SSX2IP: variants seen among roughly 807,000 people sequenced by gnomAD.
The protein encoded by SSX2IP is SSX family member 2 interacting protein, also known as afadin- and alpha-actinin-binding protein.
Under a neutral mutation model 84.9 loss-of-function variants are expected in SSX2IP, and 55 were observed. The ratio of observed to expected loss-of-function variants is 0.65; its 90% CI spans 0.52 to 0.81. SSX2IP has a LOEUF of 0.81. Among genes scored for constraint, SSX2IP ranks in the 30% least tolerant of loss-of-function variants. The pLI, the probability that SSX2IP is intolerant of heterozygous loss-of-function variation, is 0.00. For synonymous variants in SSX2IP, 239 were observed against 234.7 expected (o/e 1.02, Z -0.17); for missense variants, 664 against 705.2 (o/e 0.94, Z 0.66).
rs534999985 is a variant in SSX2IP, at chr1:84,671,099, G to A, written c.43+78C>T. 93 of 1,514,912 alleles carry A rather than the reference G, an allele frequency of 6.1e-5. No individual in the cohort carries two copies. In the African/African-American group the frequency reaches 1.2e-3, roughly 19 times the overall value. The allele number at this position is 1,514,912 out of a possible 1,614,324, so 93.8% of individuals were successfully genotyped here. On this transcript the variant is annotated intron_variant, in intron 2 of 13. Coordinates refer to ENST00000342203, the MANE Select transcript of SSX2IP (RefSeq NM_001166293.2). ...TTTAGTCACATCTTCAACATCTGCA[G>A]TAATTATTTTATATTTTCATTGAAA... is the stretch of plus-strand genomic sequence containing the variant.
chr1:84,679,371 A>C (rs1424109009), intron 1 of SSX2IP, among the ~76,000 whole-genome samples: 1 of 152,222 alleles, frequency 6.6e-6, no homozygotes, highest in Admixed American at 6.5e-5. Context: ...TTTAAAATCT[A>C]AATTATTTCT....
At position 84,651,907 on chromosome 1, in the gene SSX2IP, T is replaced by G. The variant is rs776972613; in HGVS notation, c.1480A>C (p.Lys494Gln). ...TFDHQNSENVKLFSAFSGSSD... is the reference protein window; with the variant it reads ...TFDHQNSENVQLFSAFSGSSD... The stretch of plus-strand genomic sequence containing the variant: ...CTTCCTGAGAAGGCACTGAAAAGTT[T>G]CACATTTTCTGAGTTCTGGTGGTCA... The change falls in exon 12 of 14, where the codon AAA becomes CAA. Residue 494 changes from lysine to glutamine, a missense_variant. By Grantham distance (53) the Lys-to-Gln change is moderately conservative. Coordinates refer to ENST00000342203, the MANE Select transcript of SSX2IP (RefSeq NM_001166293.2). The G allele has an allele frequency of 1.2e-6, 2 of 1,613,438 alleles. No homozygotes were observed. The highest frequency in any genetic ancestry group is 1.1e-5 in the South Asian group (1 of 91,044).
At chr1:84,667,696 T>C (rs1328469685) in intron 4 of SSX2IP, among the ~76,000 whole-genome samples, 2 of 152,074 alleles carry the variant, frequency 1.3e-5, no homozygotes, top group African/African-American at 2.4e-5. Context: ...ACAGAGATAT[T>C]TGTGGTTCCT....
In SSX2IP at chr1:84,655,362, A is replaced by C. The variant is rs139179540; in HGVS notation, c.1389+470T>G. ...TACTGCTACAATTTTTGAAGGGGGA[A>C]TATGTAGATGACACATTGCTAAGTA... On this transcript the variant is annotated intron_variant, in intron 11 of 13. Coordinates refer to ENST00000342203, the MANE Select transcript of SSX2IP (RefSeq NM_001166293.2). The C allele has an allele frequency of 2.0e-5, 23 of 1,134,892 alleles. No individual in the cohort carries two copies. In the African/African-American group the frequency reaches 3.0e-4, roughly 15 times the overall value. The allele number at this position is 1,134,892 out of a possible 1,614,324, so 70.3% of individuals were successfully genotyped here. A position where few individuals can be genotyped will look rare whatever the true frequency, so the allele number is the denominator to read the frequency against.
Position 84,661,066 on chromosome 1 carries a change from TTA to T in SSX2IP, c.927+1130_927+1131del, listed in dbSNP as rs1651903876. 1.9e-4 allele frequency among the ~76,000 whole-genome samples: 7 copies of T among 36,302 alleles called. No homozygotes were observed. The Admixed American group carries it at 2.1e-3, about 11-fold the overall frequency. The allele number at this position is 36,302 out of a possible 152,430, so 23.8% of individuals were successfully genotyped here. On this transcript the variant is annotated intron_variant, in intron 8 of 13. Transcript: ENST00000342203. ...TGGCAACAGAGCAAGACTCCGTCTC[TTA>T]AAAAAAAAAAAAAAAAAAAAATTTA... is the stretch of plus-strand genomic sequence containing the variant.
intron 1 of SSX2IP, among the ~76,000 whole-genome samples, chr1:84,688,460 T>G (rs1446179306): frequency 6.6e-6 from 1 of 152,198 alleles, no homozygotes; most frequent in Non-Finnish European, 1.5e-5. Context: ...TTAAATGAAT[T>G]AAAATCACAC....
intron 1 of SSX2IP, among the ~76,000 whole-genome samples, chr1:84,672,935 G>C (rs1456907082): frequency 6.6e-6 from 1 of 152,180 alleles, no homozygotes; most frequent in Non-Finnish European, 1.5e-5. Context: ...TGAGGCAGAA[G>C]AATCCCTTGA....
intron 13 of SSX2IP, 139 bp from the exon 14 acceptor site, chr1:84,647,746 T>TC: frequency 3.2e-6 from 1 of 309,466 alleles, no homozygotes. Context: ...TTTAAAATTT[T>TC]ACTTGGAAAA....
chr1:84,664,444 C>T lies in SSX2IP; in HGVS notation c.646G>A (p.Val216Ile). Reference sequence around the variant, plus strand: ...ATTTTCTTATCTTTCTTGTTCATAACAAGTTGATGTAGACGTTCCTTCAGT... The same window carrying T: ...ATTTTCTTATCTTTCTTGTTCATAATAAGTTGATGTAGACGTTCCTTCAGT... ...NKLKERLHQL[V>I]MNKKDKKIAM... The change falls in exon 6 of 14, where the codon GTT (valine) becomes ATT (isoleucine). Residue 216 changes from valine (V) to isoleucine (I), a missense_variant. Transcript: ENST00000342203. 1.9e-6 allele frequency: 3 copies of T among 1,597,964 alleles called. No individual in the cohort carries two copies. Among genetic ancestry groups the T allele is most frequent in the Non-Finnish European group, 2.6e-6 (3 of 1,174,716 alleles).
intron 1 of SSX2IP, among the ~76,000 whole-genome samples, chr1:84,683,359 T>C (rs555771997): frequency 3.3e-5 from 5 of 152,284 alleles, no homozygotes; most frequent in South Asian, 2.1e-4. Flanking sequence ...ATTATGCCAA[T>C]TGAATAACTG....
At chr1:84,690,737 G>GCTGCGGCTGCGGCAC (rs1478153941), upstream of SSX2IP, 1 of 151,748 alleles carries the variant, frequency 6.6e-6, no homozygotes, top group Non-Finnish European at 1.5e-5. Flanking sequence ...TGCGGGCGCA[G>GCTGCGGCTGCGGCAC]CTGCGGCTGC....
At position 84,671,196 on chromosome 1, in the gene SSX2IP, T is replaced by C. The variant is rs374425164; in HGVS notation, c.24A>G (p.Thr8=). MGDWMTV[T]DPGLSSESKT... is the part of the protein sequence containing the mutation. The stretch of plus-strand genomic sequence containing the variant: ...AATTACCTGAAGACAGACCTGGATC[T>C]GTAACAGTCATCCAATCTCCCATAG... The change falls in exon 2 of 14, where the codon ACA becomes ACG. Residue 8 remains threonine (T), a synonymous_variant. Transcript: ENST00000342203. 29 of 1,611,666 alleles carry C rather than the reference T, an allele frequency of 1.8e-5. No homozygotes were observed. The highest frequency in any genetic ancestry group is 1.6e-4 in the Middle Eastern group (1 of 6,072).
chr1:84,655,891 T>C lies in SSX2IP; in HGVS notation c.1330A>G (p.Lys444Glu). The C allele has an allele frequency of 6.2e-7, 1 of 1,614,034 alleles. No individual in the cohort carries two copies. Among genetic ancestry groups the C allele is most frequent in the Non-Finnish European group, 8.5e-7 (1 of 1,179,940 alleles). The change falls in exon 11 of 14, where the codon AAG becomes GAG. Residue 444 changes from lysine to glutamate, a missense_variant. Transcript: ENST00000342203. ...EEWSLFKEQKKNFERERRSFT... is the reference protein window; with the variant it reads ...EEWSLFKEQKENFERERRSFT... ...CTTCGTCTCTCCCTCTCAAAATTCT[T>C]TTTCTGCTCTTTAAAAAGGGACCAT...
At chr1:84,651,858 A>C (rs753625195) in intron 12 of SSX2IP, 25 bp downstream of exon 12, 6 of 1,412,638 alleles carry the variant, frequency 4.2e-6, no homozygotes, top group Admixed American at 1.8e-5. Flanking sequence ...GCATGTTCAA[A>C]TTAAAGAGTT....
intron 1 of SSX2IP, among the ~76,000 whole-genome samples, chr1:84,682,526 G>T (rs1000728812): frequency 6.9e-6 from 1 of 144,390 alleles, no homozygotes; most frequent in African/African-American, 2.6e-5. Flanking sequence ...TTTTTGAGAC[G>T]GAGTCTTGCT....
At chr1:84,690,702 C>G (rs1656507222), upstream of SSX2IP, 1 of 152,124 alleles carries the variant, frequency 6.6e-6, no homozygotes, top group South Asian at 2.1e-4. Flanking sequence ...AAAAAGAAGA[C>G]CTTATCCCTG....
At chr1:84,668,036 T>G (rs991326176) in intron 4 of SSX2IP, among the ~76,000 whole-genome samples, 25 of 152,254 alleles carry the variant, frequency 1.6e-4, no homozygotes, top group African/African-American at 6.0e-4. Context: ...TCTAGAAACT[T>G]TTCCAGATAG....
At chr1:84,670,461 T>C (rs1653407698) in intron 3 of SSX2IP, 185 bp downstream of exon 3, 3 of 393,742 alleles carry the variant, frequency 7.6e-6, no homozygotes, top group African/African-American at 4.2e-5. Flanking sequence ...GCCAAGGTGC[T>C]CCACACAAAA....
intron 3 of SSX2IP, chr1:84,670,444 T>A (rs1275189406): frequency 2.9e-6 from 1 of 340,496 alleles, no homozygotes; most frequent in Non-Finnish European, 5.3e-6. Context: ...CCTGGGACAA[T>A]GAGGAGGCCA....
Sources: allele counts gnomAD v4.1 joint callset (sites outside exome capture counted in the v4.1 genomes callset), GRCh38; gene constraint gnomAD v4.1.1; transcripts MANE v1.5; gene names NCBI Gene and HGNC (gene_info 2026-07-23, HGNC 2026-07-21).